Variants in PALM2AKAP2 observed in about 807,000 individuals in gnomAD.
The protein encoded by PALM2AKAP2 is PALM2 and AKAP2 fusion.
PALM2AKAP2 carries 37 observed loss-of-function variants against 71.5 expected under a neutral mutation model. The ratio of observed to expected loss-of-function variants is 0.52; its 90% CI spans 0.40 to 0.68. The LOEUF is 0.68. Among genes scored for constraint, PALM2AKAP2 ranks in the 30% least tolerant of loss-of-function variants. The pLI, the probability that PALM2AKAP2 is intolerant of heterozygous loss-of-function variation, is 0.00. For missense variants in PALM2AKAP2, 1,224 were observed against 1,191.8 expected (o/e 1.03, Z -0.40); for synonymous variants, 468 against 478.8 (o/e 0.98, Z 0.29).
chr9:109,992,939 GTATA>G (rs372571970), intron 6 of PALM2AKAP2, among the ~76,000 whole-genome samples: 5 of 138,956 alleles, frequency 3.6e-5, no homozygotes, highest in African/African-American at 1.3e-4. Context: ...TCATATATAT[GTATA>G]TATATATATA....
At chr9:110,024,796 A>C (rs535975467) in intron 7 of PALM2AKAP2, 8 of 649,960 alleles carry the variant, frequency 1.2e-5, no homozygotes, top group South Asian at 1.2e-4. Context: ...TAAAAAAAAA[A>C]AAAGATATGC....
chr9:109,996,927 G>A (rs925235640), intron 6 of PALM2AKAP2, among the ~76,000 whole-genome samples: 1 of 152,198 alleles, frequency 6.6e-6, no homozygotes, highest in Non-Finnish European at 1.5e-5. Flanking sequence ...GGTAGTTCAC[G>A]CCTGTAATCC....
chr9:109,680,903 T>G (rs1444962078), intron 1 of PALM2AKAP2, among the ~76,000 whole-genome samples: 1 of 152,198 alleles, frequency 6.6e-6, no homozygotes, highest in Non-Finnish European at 1.5e-5. Flanking sequence ...TATATAATTT[T>G]TTACTATCCA....
intron 7 of PALM2AKAP2, among the ~76,000 whole-genome samples, chr9:110,036,834 C>G (rs574647189): frequency 6.6e-6 from 1 of 152,040 alleles, no homozygotes; most frequent in Non-Finnish European, 1.5e-5. Flanking sequence ...TCCCTATGCT[C>G]GAATGCTTTT....
intron 1 of PALM2AKAP2, among the ~76,000 whole-genome samples, chr9:109,848,385 C>T (rs1828921475): frequency 6.6e-6 from 1 of 152,178 alleles, no homozygotes; most frequent in Non-Finnish European, 1.5e-5. Context: ...TCCTGTGCTG[C>T]GTGTTTGTGG....
chr9:109,740,947 C>T (rs777573319), intron 1 of PALM2AKAP2, among the ~76,000 whole-genome samples: 23 of 152,094 alleles, frequency 1.5e-4, no homozygotes, highest in Admixed American at 1.0e-3. Context: ...CCACTGCACC[C>T]GGTCAGACTT....
chr9:110,171,680 G>A (rs1007987894), exon 4 of PALM2AKAP2: 16 of 152,300 alleles, frequency 1.1e-4, no homozygotes, highest in East Asian at 3.9e-4. Context: ...CTAATCCATC[G>A]AGAGAAAGAG....
intron 1 of PALM2AKAP2, among the ~76,000 whole-genome samples, chr9:109,860,751 C>G (rs1003374106): frequency 6.6e-6 from 1 of 152,146 alleles, no homozygotes; most frequent in Non-Finnish European, 1.5e-5. Flanking sequence ...GCATCCCCAC[C>G]CATTCCCTTT....
chr9:110,036,613 A>T (rs1833415933), intron 7 of PALM2AKAP2, among the ~76,000 whole-genome samples: 1 of 152,164 alleles, frequency 6.6e-6, no homozygotes, highest in African/African-American at 2.4e-5. Flanking sequence ...TGTTATAAAA[A>T]TCTAAACCAA....
intron 1 of PALM2AKAP2, among the ~76,000 whole-genome samples, chr9:110,060,847 G>A (rs1238202776): frequency 6.6e-6 from 1 of 151,720 alleles, no homozygotes; most frequent in Non-Finnish European, 1.5e-5. Context: ...TGATCCACCC[G>A]CCTCAGCCTC....
intron 1 of PALM2AKAP2, among the ~76,000 whole-genome samples, chr9:109,797,818 T>G (rs1827307985): frequency 6.6e-6 from 1 of 152,228 alleles, no homozygotes. Flanking sequence ...AGAGTTGGGT[T>G]AGTATCTGTG....
intron 1 of PALM2AKAP2, among the ~76,000 whole-genome samples, chr9:109,711,284 A>G (rs75425986): frequency 0.045 from 6,837 of 152,266 alleles, 208 homozygotes; most frequent in East Asian, 0.068. Flanking sequence ...GAGACATTCT[A>G]TGTCTTCTGA....
chr9:109,969,554 C>G (rs538026034), intron 6 of PALM2AKAP2, among the ~76,000 whole-genome samples: 1 of 152,374 alleles, frequency 6.6e-6, no homozygotes, highest in African/African-American at 2.4e-5. Flanking sequence ...CTCTCCCACC[C>G]AAGGTCATGC....
At chr9:110,080,928 C>T (rs1227702373) in intron 1 of PALM2AKAP2, among the ~76,000 whole-genome samples, 2 of 152,188 alleles carry the variant, frequency 1.3e-5, no homozygotes, top group East Asian at 3.9e-4. Flanking sequence ...GATCCACCCG[C>T]CTTGGGCCTC....
At chr9:109,850,003 G>T (rs1020523792) in intron 1 of PALM2AKAP2, among the ~76,000 whole-genome samples, 2 of 152,200 alleles carry the variant, frequency 1.3e-5, no homozygotes, top group African/African-American at 4.8e-5. Flanking sequence ...GATAGAACAG[G>T]TGTACCCCAG....
intron 6 of PALM2AKAP2, among the ~76,000 whole-genome samples, chr9:109,976,148 C>T (rs1331792448): frequency 6.6e-6 from 1 of 152,212 alleles, no homozygotes; most frequent in Non-Finnish European, 1.5e-5. Context: ...GGCCCTGCCT[C>T]ATATCCATTT....
intron 3 of PALM2AKAP2, among the ~76,000 whole-genome samples, chr9:109,917,788 C>T (rs528044680): frequency 2.9e-4 from 44 of 152,266 alleles, no homozygotes; most frequent in African/African-American, 1.0e-3. Flanking sequence ...GCCACCGCAC[C>T]CAGCCCTCCT....
chr9:109,796,704 G>A (rs1827265447), intron 1 of PALM2AKAP2, among the ~76,000 whole-genome samples: 1 of 152,192 alleles, frequency 6.6e-6, no homozygotes, highest in South Asian at 2.1e-4. Context: ...GAGATCATGT[G>A]TGTAGGAGTA....
intron 7 of PALM2AKAP2, among the ~76,000 whole-genome samples, chr9:110,025,726 C>T (rs1833168091): frequency 6.6e-6 from 1 of 152,198 alleles, no homozygotes; most frequent in Admixed American, 6.5e-5. Flanking sequence ...TGATTATAAC[C>T]ATCCTAGTGG....
Sources: allele counts gnomAD v4.1 joint callset (sites outside exome capture counted in the v4.1 genomes callset), GRCh38; gene constraint gnomAD v4.1.1; transcripts MANE v1.5; gene names NCBI Gene and HGNC (gene_info 2026-07-23, HGNC 2026-07-21).